Variants in GNB3 observed in about 807,000 individuals in gnomAD.
The protein encoded by GNB3 is G protein subunit beta 3, also known as guanine nucleotide-binding protein G(I)/G(S)/G(T) subunit beta-3.
Under a neutral mutation model 41.2 loss-of-function variants are expected in GNB3, and 33 were observed. The ratio of observed to expected loss-of-function variants is 0.80; its 90% CI spans 0.61 to 1.07. The LOEUF (loss-of-function observed/expected upper bound fraction) is 1.07. Ranked by LOEUF, GNB3 falls within the 50% of genes least tolerant of loss-of-function variation. The pLI is 0.00. For missense variants in GNB3, 409 were observed against 455.3 expected, an observed-to-expected ratio of 0.90 and a Z score of 0.92; for synonymous variants, 172 against 173.4, an observed-to-expected ratio of 0.99 and a Z score of 0.06.
rs905833609 is a variant in GNB3 at position 6,845,617 on chromosome 12, G to C, written c.731G>C (p.Gly244Ala). Residue 244 changes from glycine (G) to alanine (A), a missense_variant, in exon 9 of 10, where the codon GGC (glycine) becomes GCC (alanine). By Grantham distance (60) the Gly-to-Ala change is moderately conservative. Coordinates refer to ENST00000229264, the MANE Select transcript of GNB3 (RefSeq NM_002075.4). ...FFPNGEAICT[G>A]SDDASCRLFD... is the part of the protein sequence containing the mutation. ...CCCAATGGAGAGGCCATCTGCACGG[G>C]CTCGGATGACGCTTCCTGCCGCTTG... The C allele has an allele frequency of 2.5e-6, 4 of 1,612,714 alleles. No individual in the cohort carries two copies. In the Admixed American group the frequency reaches 5.0e-5, roughly 20 times the overall value.
chr12:6,845,496 C>T, intron 8 of GNB3, 90 bp from the exon 9 acceptor site: 4 of 850,318 alleles, frequency 4.7e-6, no homozygotes, highest in Non-Finnish European at 7.6e-6. Flanking sequence ...AGCGGCTTGC[C>T]CTGGAGCTGT....
In GNB3 at chr12:6,841,608, A is replaced by G. The variant is rs1221479148; in HGVS notation, c.80A>G (p.Asp27Gly). Residue 27 changes from aspartate (D) to glycine (G), a missense_variant, in exon 3 of 10, where the codon GAC becomes GGC. Coordinates refer to ENST00000229264, the MANE Select transcript of GNB3 (RefSeq NM_002075.4). ...CAGGATGCCAGGAAAGCCTGTGCTG[A>G]CGTTACTCTGGCAGAGGTAAGACCC... is the stretch of plus-strand genomic sequence containing the variant. ...QIADARKACA[D>G]VTLAELVSGL... 2.5e-6 allele frequency: 4 copies of G among 1,613,436 alleles called. No homozygotes were observed. The highest frequency in any genetic ancestry group is 3.4e-6 in the Non-Finnish European group (4 of 1,179,744).
rs555948527 is a variant in GNB3, at chr12:6,840,995, C to G, written c.-69C>G. The G allele has an allele frequency of 2.2e-5, 11 of 491,582 alleles. No homozygotes were observed. Among genetic ancestry groups the G allele is most frequent in the Non-Finnish European group, 3.3e-5 (9 of 276,044 alleles). 30.5% of individuals were successfully genotyped at this position (491,582 alleles called of 1,614,324 possible). A position where few individuals can be genotyped will look rare whatever the true frequency, so the allele number is the denominator to read the frequency against. The stretch of plus-strand genomic sequence containing the variant: ...AGGGAGTAAGGAGGCTCCCAGGAAC[C>G]GGAGCTGGAAACCCGGCCGAGGTCC... On this transcript the variant is annotated 5_prime_UTR_variant, in exon 1 of 10. Coordinates refer to ENST00000229264, the MANE Select transcript of GNB3 (RefSeq NM_002075.4).
At chr12:6,844,058 C>A in intron 8 of GNB3, 80 bp downstream of exon 8, 1 of 906,326 alleles carries the variant, frequency 1.1e-6, no homozygotes, top group Non-Finnish European at 1.7e-6. Context: ...ACATCCTCTG[C>A]CCCTCCCATA....
In GNB3 at chr12:6,843,790, A is replaced by T; in HGVS notation, c.511A>T (p.Ile171Phe). Residue 171 changes from isoleucine to phenylalanine, a missense_variant, in exon 8 of 10, where the codon ATT (isoleucine) becomes TTT (phenylalanine). Transcript: ENST00000229264. This position sits in a 1 kb window ranked among gnomAD's most constrained non-coding sequence, Gnocchi z 5.9. ...SGDTTCALWD[I>F]ETGQQKTVFV... ...CCATTTTGGCAGTGCCTTGTGGGACATTGAGACTGGGCAGCAGAAGACTGT... is the reference window on the plus strand; with the variant it reads ...CCATTTTGGCAGTGCCTTGTGGGACTTTGAGACTGGGCAGCAGAAGACTGT... 2 of 1,614,084 alleles carry T rather than the reference A, an allele frequency of 1.2e-6. No individual in the cohort carries two copies. Among genetic ancestry groups the T allele is most frequent in the Non-Finnish European group, 1.7e-6 (2 of 1,179,952 alleles).
At chr12:6,841,893 G>C in intron 3 of GNB3, 1 of 652,324 alleles carries the variant, frequency 1.5e-6, no homozygotes, top group Non-Finnish European at 2.8e-6. Context: ...ATGAAGAAGC[G>C]ATAGTACTTT....
rs200634640 is a variant in GNB3, at chr12:6,843,899, G to A, written c.620G>A (p.Ser207Asn). ...NLFISGACDASAKLWDVREGT... is the reference protein window; with the variant it reads ...NLFISGACDANAKLWDVREGT... ...TTCATTTCGGGGGCCTGTGATGCCA[G>A]TGCCAAGCTCTGGGATGTGCGAGAG... The change falls in exon 8 of 10, where the codon AGT (serine) becomes AAT (asparagine). Residue 207 changes from serine (S) to asparagine (N), a missense_variant. Physicochemically the swap from Ser to Asn is conservative, Grantham distance 46 (BLOSUM62 1). Transcript: ENST00000229264. The surrounding 1 kb of genome is among the most constrained non-coding windows in gnomAD (Gnocchi z 5.9). 4 of 1,614,058 alleles carry A rather than the reference G, an allele frequency of 2.5e-6. No individual in the cohort carries two copies. In the Admixed American group the frequency reaches 6.7e-5, roughly 27 times the overall value.
chr12:6,846,720 C>A, intron 9 of GNB3, 72 bp from the exon 10 acceptor site: 1 of 816,530 alleles, frequency 1.2e-6, no homozygotes, highest in Non-Finnish European at 2.1e-6. Flanking sequence ...CACACATACA[C>A]TTACACGCAT....
At position 6,846,955 on chromosome 12, in the gene GNB3, G is replaced by A. The variant is rs140282923; in HGVS notation, c.*57G>A. 1.8e-5 allele frequency: 17 copies of A among 947,652 alleles called. No individual in the cohort carries two copies. The highest frequency in any genetic ancestry group is 5.0e-4 in the Middle Eastern group (2 of 4,006). The allele number at this position is 947,652 out of a possible 1,614,324, so 58.7% of individuals were successfully genotyped here. A position where few individuals can be genotyped will look rare whatever the true frequency, so the allele number is the denominator to read the frequency against. ...GAACACACTCAGCAGCCCCCTGCCCGACCCCATCTCATTCAGGTGTTCTCT... is the reference window on the plus strand; with the variant it reads ...GAACACACTCAGCAGCCCCCTGCCCAACCCCATCTCATTCAGGTGTTCTCT... On this transcript the variant is annotated 3_prime_UTR_variant, in exon 10 of 10. Transcript: ENST00000229264.
chr12:6,845,370 C>T (rs1031706211), intron 8 of GNB3: 3 of 563,496 alleles, frequency 5.3e-6, no homozygotes, highest in African/African-American at 1.9e-5. Context: ...CTGCCTGCAG[C>T]GCTGTATAGT....
chr12:6,846,071 A>G (rs1943690911), intron 9 of GNB3: 1 of 449,534 alleles, frequency 2.2e-6, no homozygotes, highest in Non-Finnish European at 4.0e-6. Flanking sequence ...CTGTCCAGTC[A>G]GTTCTGGGTT....
chr12:6,845,771 T>C lies in GNB3; in HGVS notation c.885T>C (p.Asn295=). The part of the protein sequence containing the change: ...LFAGYDDFNC[N]VWDSMKSERV... ...CTGGCTACGACGACTTCAACTGCAA[T>C]GTCTGGGACTCCATGAAGTCTGAGC... Residue 295 remains asparagine, a synonymous_variant, in exon 9 of 10, where the codon AAT becomes AAC. Coordinates refer to ENST00000229264, the MANE Select transcript of GNB3 (RefSeq NM_002075.4). The C allele has an allele frequency of 5.0e-6, 8 of 1,614,018 alleles. No homozygotes were observed. The highest frequency in any genetic ancestry group is 5.1e-6 in the Non-Finnish European group (6 of 1,179,900).
In GNB3 at chr12:6,846,972, G is replaced by A; in HGVS notation, c.*74G>A. On this transcript the variant is annotated 3_prime_UTR_variant, in exon 10 of 10. Coordinates refer to ENST00000229264, the MANE Select transcript of GNB3 (RefSeq NM_002075.4). ...CCCTGCCCGACCCCATCTCATTCAG[G>A]TGTTCTCTTCTATATTCCGGGTGCC... is the stretch of plus-strand genomic sequence containing the variant. 1.2e-6 allele frequency: 1 copy of A among 838,082 alleles called. No individual in the cohort carries two copies. The highest frequency in any genetic ancestry group is 2.0e-6 in the Non-Finnish European group (1 of 502,988). The allele number at this position is 838,082 out of a possible 1,614,324, so 51.9% of individuals were successfully genotyped here. A position where few individuals can be genotyped will look rare whatever the true frequency, so the allele number is the denominator to read the frequency against.
chr12:6,841,156 C>T, intron 1 of GNB3, 102 bp from the exon 2 acceptor site: 3 of 725,364 alleles, frequency 4.1e-6, no homozygotes, highest in Non-Finnish European at 7.2e-6. Context: ...AGGGTGCAGC[C>T]ACCCAGTCGT....
intron 8 of GNB3, 53 bp downstream of exon 8, chr12:6,844,031 C>G (rs1555124048): frequency 3.1e-6 from 4 of 1,285,042 alleles, no homozygotes; most frequent in Non-Finnish European, 4.5e-6. Context: ...CGACACTCCC[C>G]ACAACACATA....
At chr12:6,845,858 C>A in intron 9 of GNB3, 56 bp downstream of exon 9, 1 of 1,235,286 alleles carries the variant, frequency 8.1e-7, no homozygotes. Flanking sequence ...CCCCAGCCCT[C>A]CCTCCCCATT....
intron 8 of GNB3, 35 bp from the exon 9 acceptor site, chr12:6,845,551 C>CTGA (rs782276800): frequency 6.7e-7 from 1 of 1,494,148 alleles, no homozygotes; most frequent in Non-Finnish European, 9.2e-7. Flanking sequence ...CTGCCCAGGT[C>CTGA]TGATCCCTGA....
Position 6,843,834 on chromosome 12 carries a change from T to C in GNB3, c.555T>C (p.Gly185=). Residue 185 remains glycine (G), a synonymous_variant, in exon 8 of 10, where the codon GGT becomes GGC. Coordinates refer to ENST00000229264, the MANE Select transcript of GNB3 (RefSeq NM_002075.4). This position sits in a 1 kb window ranked among gnomAD's most constrained non-coding sequence, Gnocchi z 5.9. Reference sequence around the variant, plus strand: ...AGACTGTATTTGTGGGACACACGGGTGACTGCATGAGCCTGGCTGTGTCTC... The same window carrying C: ...AGACTGTATTTGTGGGACACACGGGCGACTGCATGAGCCTGGCTGTGTCTC... ...QQKTVFVGHT[G]DCMSLAVSPD... 6.2e-7 allele frequency: 1 copy of C among 1,614,052 alleles called. No homozygotes were observed. The highest frequency in any genetic ancestry group is 1.1e-5 in the South Asian group (1 of 91,068).
chr12:6,845,883 A>G (rs1345644987), intron 9 of GNB3, 81 bp downstream of exon 9: 1 of 960,462 alleles, frequency 1.0e-6, no homozygotes, highest in African/African-American at 1.8e-5. Context: ...ACCCCCCATC[A>G]GCTCCCATTT....
Sources: allele counts gnomAD v4.1 joint callset, GRCh38; gene constraint gnomAD v4.1.1; non-coding constraint Gnocchi (gnomAD v3.1); transcripts MANE v1.5; gene names NCBI Gene and HGNC (gene_info 2026-07-23, HGNC 2026-07-21).